CADPS2: variants seen among roughly 807,000 people sequenced by gnomAD.
The protein encoded by CADPS2 is calcium dependent secretion activator 2.
A neutral mutation model predicts 172.5 loss-of-function variants in CADPS2; 93 were observed. That is an observed-to-expected ratio of 0.54 (90% confidence interval 0.46 to 0.64). The LOEUF (loss-of-function observed/expected upper bound fraction) is 0.64. Ranked by LOEUF, CADPS2 falls within the 30% of genes least tolerant of loss-of-function variation. CADPS2 has a pLI of 0.00. For missense variants in CADPS2, 1,420 were observed against 1,565.9 expected (o/e 0.91, Z 1.57); for synonymous variants, 546 against 555.2 (o/e 0.98, Z 0.23).
intron 12 of CADPS2, among the ~76,000 whole-genome samples, chr7:122,477,051 GAAGAGAGAGA>G (rs1209809953): frequency 2.4e-4 from 8 of 32,694 alleles, no homozygotes; most frequent in African/African-American, 1.5e-3. Context: ...AGGAGAGAGA[GAAGAGAGAGA>G]GAGAGAGAGA....
intron 11 of CADPS2, among the ~76,000 whole-genome samples, chr7:122,487,229 C>T (rs1357404299): frequency 2.0e-5 from 3 of 151,824 alleles, no homozygotes; most frequent in Non-Finnish European, 4.4e-5. Context: ...AGTCTGGTCT[C>T]GAACTCCTGA....
intron 6 of CADPS2, among the ~76,000 whole-genome samples, chr7:122,587,308 C>A (rs573449651): frequency 9.9e-5 from 15 of 152,142 alleles, no homozygotes; most frequent in African/African-American, 3.6e-4. Flanking sequence ...TTGTTCCCCT[C>A]CCTACGTCCA....
chr7:122,859,628 C>G (rs1353307606), intron 1 of CADPS2, among the ~76,000 whole-genome samples: 1 of 152,012 alleles, frequency 6.6e-6, no homozygotes, highest in Non-Finnish European at 1.5e-5. Context: ...TATAGTCATC[C>G]TTTGTTATCC....
Position 122,365,485 on chromosome 7 carries a change from GC to G in CADPS2, c.3388-4473del, listed in dbSNP as rs574732401. On this transcript the variant is annotated intron_variant, in intron 25 of 29. Transcript: ENST00000449022. Reference sequence around the variant, plus strand: ...CTAGTAACGATATACCTTCCACCTGGCTTTTAATTGCATAAAACAGCAAGAT... The same window carrying G: ...CTAGTAACGATATACCTTCCACCTGGTTTTAATTGCATAAAACAGCAAGAT... Among the ~76,000 whole-genome samples, 260 of 152,264 alleles carry G rather than the reference GC, an allele frequency of 1.7e-3. 2 individuals are homozygous for G. Among genetic ancestry groups the G allele is most frequent in the South Asian group, 3.1e-3 (15 of 4,830 alleles).
chr7:122,793,932 T>C (rs536966210), intron 1 of CADPS2, among the ~76,000 whole-genome samples: 1 of 152,304 alleles, frequency 6.6e-6, no homozygotes, highest in South Asian at 2.1e-4. Flanking sequence ...ATTTCTTTTC[T>C]TTAAGAATGT....
chr7:122,470,533 T>A (rs2055787175), intron 14 of CADPS2, among the ~76,000 whole-genome samples: 2 of 152,098 alleles, frequency 1.3e-5, no homozygotes, highest in Admixed American at 1.3e-4. Context: ...CCTGTTCTGT[T>A]ACCTAGGCTG....
chr7:122,608,888 T>C (rs1336140207), intron 6 of CADPS2, among the ~76,000 whole-genome samples: 1 of 152,020 alleles, frequency 6.6e-6, no homozygotes, highest in African/African-American at 2.4e-5. Flanking sequence ...AAAAATTTGT[T>C]AAGAGGTTAG....
chr7:122,434,070 G>T (rs934975985), intron 17 of CADPS2, among the ~76,000 whole-genome samples: 16 of 152,304 alleles, frequency 1.1e-4, no homozygotes, highest in African/African-American at 3.8e-4. Flanking sequence ...CTTCTTGTTT[G>T]TAAACTAGGA....
At chr7:122,766,757 C>T (rs1054856372) in intron 1 of CADPS2, among the ~76,000 whole-genome samples, 15 of 152,126 alleles carry the variant, frequency 9.9e-5, no homozygotes, top group African/African-American at 3.4e-4. Flanking sequence ...GAATGTGTGT[C>T]AGCAGATCAT....
At chr7:122,608,917 G>A (rs765749468) in intron 6 of CADPS2, among the ~76,000 whole-genome samples, 10 of 152,048 alleles carry the variant, frequency 6.6e-5, no homozygotes, top group Non-Finnish European at 1.5e-4. Flanking sequence ...GCTGGGTATG[G>A]TAGCTCACAC....
intron 28 of CADPS2, among the ~76,000 whole-genome samples, chr7:122,338,053 C>T (rs1220495928): frequency 6.6e-6 from 1 of 152,188 alleles, no homozygotes. Context: ...TTTTATCCAC[C>T]TTTAGTACAC....
intron 14 of CADPS2, among the ~76,000 whole-genome samples, chr7:122,465,176 G>A (rs138417658): frequency 1.3e-5 from 2 of 151,170 alleles, no homozygotes; most frequent in South Asian, 2.1e-4. Flanking sequence ...ATTGTAGATC[G>A]AGCAAAAAAT....
At chr7:122,700,416 T>G (rs565510286) in intron 2 of CADPS2, among the ~76,000 whole-genome samples, 48 of 152,268 alleles carry the variant, frequency 3.2e-4, no homozygotes, top group Non-Finnish European at 6.0e-4. Flanking sequence ...TAAAGGTTGA[T>G]TTTCTCTCCC....
intron 14 of CADPS2, among the ~76,000 whole-genome samples, chr7:122,453,908 C>A (rs1261772833): frequency 2.0e-5 from 3 of 152,170 alleles, no homozygotes; most frequent in Admixed American, 2.0e-4. Flanking sequence ...CACCATTTTA[C>A]TGAGTTTATC....
chr7:122,645,815 T>C (rs2078490010), intron 3 of CADPS2, among the ~76,000 whole-genome samples: 1 of 149,192 alleles, frequency 6.7e-6, no homozygotes, highest in African/African-American at 2.5e-5. Context: ...AAGATATATA[T>C]ATGTATATAT....
chr7:122,341,235 C>A (rs1290894306), intron 28 of CADPS2, among the ~76,000 whole-genome samples: 3 of 152,216 alleles, frequency 2.0e-5, no homozygotes, highest in Non-Finnish European at 4.4e-5. Context: ...TTCTATTAAT[C>A]TACTGCACAT....
chr7:122,860,330 T>G (rs1460846851), intron 1 of CADPS2, among the ~76,000 whole-genome samples: 1 of 152,114 alleles, frequency 6.6e-6, no homozygotes, highest in Admixed American at 6.6e-5. Context: ...CCGGTTCAAG[T>G]GATCACCTAC....
chr7:122,407,338 C>T (rs533237970), intron 20 of CADPS2, among the ~76,000 whole-genome samples: 1 of 152,226 alleles, frequency 6.6e-6, no homozygotes, highest in African/African-American at 2.4e-5. Context: ...ATGAGAAGAC[C>T]TTCAGAGCCC....
chr7:122,735,324 A>G (rs1342109221), intron 2 of CADPS2, among the ~76,000 whole-genome samples: 1 of 151,948 alleles, frequency 6.6e-6, no homozygotes, highest in Non-Finnish European at 1.5e-5. Context: ...CAGGCTAAAC[A>G]CCCCCAGCTC....
Sources: allele counts gnomAD v4.1 joint callset (sites outside exome capture counted in the v4.1 genomes callset), GRCh38; gene constraint gnomAD v4.1.1; transcripts MANE v1.5; gene names NCBI Gene and HGNC (gene_info 2026-07-23, HGNC 2026-07-21).